The following MAST4 variants were observed in gnomAD, a reference collection of about 807,000 sequenced individuals.
MAST4 encodes the protein microtubule associated serine/threonine kinase family member 4, also known as microtubule-associated serine/threonine-protein kinase 4.
Under a neutral mutation model 162.7 loss-of-function variants are expected in MAST4, and 89 were observed. The ratio of observed to expected loss-of-function variants is 0.55; its 90% CI spans 0.46 to 0.65. The LOEUF (loss-of-function observed/expected upper bound fraction) is 0.65, where lower values mean the gene tolerates loss of function less well. Among genes scored for constraint, MAST4 ranks in the 30% least tolerant of loss-of-function variants. The pLI, the probability that MAST4 is intolerant of heterozygous loss-of-function variation, is 0.00. For missense variants in MAST4, 3,153 were observed against 3,374.0 expected, an observed-to-expected ratio of 0.93 and a Z score of 1.62; for synonymous variants, 1,479 against 1,361.1, an observed-to-expected ratio of 1.09 and a Z score of -1.91.
intron 4 of MAST4, among the ~76,000 whole-genome samples, chr5:67,029,495 T>C (rs1755059632): frequency 6.6e-6 from 1 of 152,130 alleles, no homozygotes; most frequent in African/African-American, 2.4e-5. Context: ...ATGTTTCTTT[T>C]AGTTAAGTAT....
chr5:66,889,920 A>G (rs1260951232), intron 3 of MAST4, among the ~76,000 whole-genome samples: 2 of 152,222 alleles, frequency 1.3e-5, no homozygotes, highest in East Asian at 3.8e-4. Flanking sequence ...GAATATGGGT[A>G]TGTCTGAATC....
Position 66,891,185 on chromosome 5 carries a change from C to T in MAST4, c.643-8766C>T, listed in dbSNP as rs140131898. Among the ~76,000 whole-genome samples the T allele has an allele frequency of 1.3e-3, 201 of 152,314 alleles. 1 individual carries two copies. Among genetic ancestry groups the T allele is most frequent in the Non-Finnish European group, 2.1e-3 (146 of 68,034 alleles). On this transcript the variant is annotated intron_variant, in intron 3 of 28. Coordinates refer to ENST00000403625, the MANE Select transcript of MAST4 (RefSeq NM_001164664.2). ...TTTTGCTTAACTTCCGAAAGGCCCT[C>T]AGTGCTTTTAGACAGTCTTTTCTCC...
At chr5:66,738,757 A>C (rs2149568965) in intron 1 of MAST4, among the ~76,000 whole-genome samples, 1 of 152,272 alleles carries the variant, frequency 6.6e-6, no homozygotes, top group African/African-American at 2.4e-5. Flanking sequence ...TGTGCTGAAT[A>C]CTCAGCTGCT....
rs182497248 is a variant in MAST4, at chr5:66,702,824, G to A, written c.364-56885G>A. Among the ~76,000 whole-genome samples the A allele has an allele frequency of 9.9e-3, 1,504 of 152,286 alleles. 16 individuals carry two copies. Among genetic ancestry groups the A allele is most frequent in the Non-Finnish European group, 0.014 (979 of 68,030 alleles). ...TGAGTGGATGCAAAGCCACCAGAGG[G>A]TTTCAGTGTGAGGAGTAATATAATT... On this transcript the variant is annotated intron_variant, in intron 1 of 28. Transcript: ENST00000403625.
chr5:67,003,271 C>T (rs762485515), intron 4 of MAST4, among the ~76,000 whole-genome samples: 3 of 152,082 alleles, frequency 2.0e-5, no homozygotes, highest in Admixed American at 6.5e-5. Flanking sequence ...TCTTTGTCTA[C>T]CTCTGTGGGT....
At chr5:67,009,360 C>T (rs1350698385) in intron 4 of MAST4, among the ~76,000 whole-genome samples, 1 of 152,138 alleles carries the variant, frequency 6.6e-6, no homozygotes, top group East Asian at 1.9e-4. Flanking sequence ...GTGACCTTGG[C>T]AACACAGAGT....
chr5:67,129,213 C>T (rs1768630218), intron 14 of MAST4, among the ~76,000 whole-genome samples: 1 of 152,154 alleles, frequency 6.6e-6, no homozygotes, highest in South Asian at 2.1e-4. Flanking sequence ...ACATGCATTT[C>T]CTGTTGAAAC....
chr5:66,997,775 T>C (rs1463537945), intron 4 of MAST4, among the ~76,000 whole-genome samples: 1 of 152,240 alleles, frequency 6.6e-6, no homozygotes, highest in African/African-American at 2.4e-5. Context: ...GAGTTAACAC[T>C]TGTCATGCCT....
intron 1 of MAST4, among the ~76,000 whole-genome samples, chr5:66,647,828 C>T (rs1352943555): frequency 6.6e-6 from 1 of 152,222 alleles, no homozygotes; most frequent in African/African-American, 2.4e-5. Flanking sequence ...TGCCTCTACT[C>T]TTATTGCCTT....
intron 1 of MAST4, among the ~76,000 whole-genome samples, chr5:66,696,643 A>G (rs962718850): frequency 6.6e-6 from 1 of 152,156 alleles, no homozygotes; most frequent in Non-Finnish European, 1.5e-5. Flanking sequence ...GTCATACTCT[A>G]TGCTAGCAAT....
chr5:67,040,378 C>G (rs1756585912), intron 4 of MAST4, among the ~76,000 whole-genome samples: 1 of 152,156 alleles, frequency 6.6e-6, no homozygotes, highest in South Asian at 2.1e-4. Context: ...GCCTGGTTGA[C>G]CTGGGTAATT....
Position 67,166,740 on chromosome 5 carries a change from C to T in MAST4, c.7561C>T (p.Leu2521=), listed in dbSNP as rs1169313483. The change falls in exon 29 of 29, where the codon CTG becomes TTG. Residue 2521 remains leucine, a synonymous_variant. Coordinates refer to ENST00000403625, the MANE Select transcript of MAST4 (RefSeq NM_001164664.2). The part of the protein sequence containing the change: ...GRTHMTKSDS[L]PSFRVSTLPL... ...AACCCACATGACAAAGAGTGACTCC[C>T]TGCCCTCCTTCCGGGTCTCCACCCT... 21 of 1,592,174 alleles carry T rather than the reference C, an allele frequency of 1.3e-5. No homozygotes were observed. The Admixed American group carries it at 3.7e-4, about 28-fold the overall frequency.
chr5:66,725,669 G>A (rs753025429), intron 1 of MAST4, among the ~76,000 whole-genome samples: 2 of 152,098 alleles, frequency 1.3e-5, no homozygotes, highest in Non-Finnish European at 2.9e-5. Flanking sequence ...CAGCTAGCTG[G>A]TCTGTCTAGC....
At position 66,754,999 on chromosome 5, in the gene MAST4, G is replaced by T. The variant is rs147734389; in HGVS notation, c.364-4710G>T. Among the ~76,000 whole-genome samples, 1,188 of 152,278 alleles carry T rather than the reference G, an allele frequency of 7.8e-3. 7 individuals carry two copies. Among genetic ancestry groups the T allele is most frequent in the Middle Eastern group, 0.031 (9 of 294 alleles). ...GCAAGAGACCAAGGTGGATCGAGTGGAGTGGCAGGAGCTGGGACTAGAGAG... is the reference window on the plus strand; with the variant it reads ...GCAAGAGACCAAGGTGGATCGAGTGTAGTGGCAGGAGCTGGGACTAGAGAG... On this transcript the variant is annotated intron_variant, in intron 1 of 28. Transcript: ENST00000403625.
At chr5:66,784,796 G>A (rs1032849622) in intron 2 of MAST4, among the ~76,000 whole-genome samples, 2 of 152,196 alleles carry the variant, frequency 1.3e-5, no homozygotes, top group Admixed American at 1.3e-4. Flanking sequence ...CCTAGGTGGA[G>A]TGACTAAGTG....
Position 67,121,033 on chromosome 5 carries a change from T to C in MAST4, c.1676T>C (p.Leu559Pro). The C allele has an allele frequency of 6.2e-7, 1 of 1,610,480 alleles. No homozygotes were observed. The highest frequency in any genetic ancestry group is 2.2e-5 in the East Asian group (1 of 44,792). ...DESVSSSNAS[L>P]KLRRKPRESD... ...GTTTCCAAGAGCTCTAATGCCTCCC[T>C]GAAACTTCGAAGGAAACCTCGGGAA... The change falls in exon 14 of 29, where the codon CTG becomes CCG. Residue 559 changes from leucine to proline, a missense_variant. Around this residue, in one of 7 missense-constraint regions of MAST4, gnomAD observed 360 missense variants for 450.0 expected, o/e 0.80. Transcript: ENST00000403625.
At chr5:66,760,611 T>G (rs1174654727) in intron 2 of MAST4, among the ~76,000 whole-genome samples, 2 of 152,172 alleles carry the variant, frequency 1.3e-5, no homozygotes, top group African/African-American at 4.8e-5. Flanking sequence ...TAGATAGACC[T>G]TATCAAGGGG....
intron 4 of MAST4, among the ~76,000 whole-genome samples, chr5:67,017,543 A>G (rs1753446375): frequency 1.3e-5 from 2 of 152,166 alleles, no homozygotes; most frequent in South Asian, 2.1e-4. Flanking sequence ...AAGTTTTAAC[A>G]AAGTTATGTA....
At chr5:66,876,749 A>C (rs1014008622) in intron 3 of MAST4, among the ~76,000 whole-genome samples, 1 of 152,140 alleles carries the variant, frequency 6.6e-6, no homozygotes, top group Non-Finnish European at 1.5e-5. Flanking sequence ...TGAGGCGTGT[A>C]CCCAGGTGCC....
Sources: allele counts gnomAD v4.1 joint callset (sites outside exome capture counted in the v4.1 genomes callset), GRCh38; gene constraint gnomAD v4.1.1; regional missense constraint gnomAD v4.1.1; transcripts MANE v1.5; gene names NCBI Gene and HGNC (gene_info 2026-07-23, HGNC 2026-07-21).